Variants in AK8 observed in about 807,000 individuals in gnomAD.
AK8 encodes adenylate kinase 8, also known as ATP-AMP transphosphorylase 8.
AK8 carries 44 observed loss-of-function variants against 54.6 expected under a neutral mutation model. The ratio of observed to expected loss-of-function variants is 0.81; its 90% CI spans 0.63 to 1.04. The LOEUF (loss-of-function observed/expected upper bound fraction) is 1.04, where lower values mean the gene tolerates loss of function less well. AK8 is among the 50% of genes least tolerant of loss of function. The pLI is 0.00. For synonymous variants in AK8, 239 were observed against 245.6 expected (o/e 0.97, Z 0.25); for missense variants, 555 against 613.6 (o/e 0.90, Z 1.01).
intron 11 of AK8, among the ~76,000 whole-genome samples, chr9:132,746,414 G>T (rs1295402272): frequency 6.6e-6 from 1 of 152,202 alleles, no homozygotes; most frequent in Non-Finnish European, 1.5e-5. Context: ...GCAGACACCA[G>T]GAATGCATGG....
At chr9:132,761,168 C>T (rs1838441936) in intron 11 of AK8, among the ~76,000 whole-genome samples, 1 of 151,796 alleles carries the variant, frequency 6.6e-6, no homozygotes. Flanking sequence ...GCATCTGGGC[C>T]TAGTGTTTAA....
chr9:132,806,996 CAGGTA>C (rs1455935142), intron 10 of AK8, among the ~76,000 whole-genome samples: 1 of 152,170 alleles, frequency 6.6e-6, no homozygotes, highest in Non-Finnish European at 1.5e-5. Context: ...GGGAGGGGCA[CAGGTA>C]ACAACTCGAT....
rs113683146 is a variant in AK8, at chr9:132,780,814, G to A, written c.1121+11820C>T. ...GATTAAAACTCCCTGCTACCATTTT[G>A]CTGAATGTCATTGCCACTGACTCAT... is the stretch of plus-strand genomic sequence containing the variant. On this transcript the variant is annotated intron_variant, in intron 11 of 12. Coordinates refer to ENST00000298545, the MANE Select transcript of AK8 (RefSeq NM_152572.3). 2.1e-3 allele frequency among the ~76,000 whole-genome samples: 323 copies of A among 152,262 alleles called. 1 individual carries two copies. Among genetic ancestry groups the A allele is most frequent in the African/African-American group, 6.7e-3 (280 of 41,544 alleles).
At chr9:132,739,297 C>A (rs978108886) in intron 11 of AK8, among the ~76,000 whole-genome samples, 5 of 151,226 alleles carry the variant, frequency 3.3e-5, no homozygotes, top group Non-Finnish European at 7.4e-5. Flanking sequence ...TAAAGATAAG[C>A]CAGGTGTGAT....
At chr9:132,855,505 T>C (rs995305806) in intron 4 of AK8, among the ~76,000 whole-genome samples, 1 of 152,190 alleles carries the variant, frequency 6.6e-6, no homozygotes, top group African/African-American at 2.4e-5. Context: ...AGTGACCTCA[T>C]GTTGGTAACA....
At chr9:132,754,779 A>C (rs1838105458) in intron 11 of AK8, among the ~76,000 whole-genome samples, 1 of 149,766 alleles carries the variant, frequency 6.7e-6, no homozygotes. Flanking sequence ...CCAAAACATT[A>C]CCACTGATTT....
At chr9:132,875,755 A>G (rs1844070411) in intron 1 of AK8, among the ~76,000 whole-genome samples, 1 of 152,144 alleles carries the variant, frequency 6.6e-6, no homozygotes, top group Admixed American at 6.5e-5. Context: ...CCGGCAGGCC[A>G]TGGGTTCTGT....
rs116524653 is a variant in AK8 at position 132,737,181 on chromosome 9, T to C, written c.1122-9647A>G. ...CACACACACAAACACAAGTAGTTAG[T>C]AGACATTACAATGAAGGCAACTGGG... On this transcript the variant is annotated intron_variant, in intron 11 of 12. Transcript: ENST00000298545. Among the ~76,000 whole-genome samples, 704 of 152,198 alleles carry C rather than the reference T, an allele frequency of 4.6e-3. 6 individuals carry two copies. Among genetic ancestry groups the C allele is most frequent in the African/African-American group, 0.016 (671 of 41,524 alleles).
chr9:132,843,975 A>G (rs2131352410), intron 5 of AK8, among the ~76,000 whole-genome samples: 1 of 152,322 alleles, frequency 6.6e-6, no homozygotes, highest in African/African-American at 2.4e-5. Context: ...CAAATAAAGG[A>G]AAGGGATTCT....
At chr9:132,768,002 G>C (rs1482985705) in intron 11 of AK8, among the ~76,000 whole-genome samples, 5 of 152,162 alleles carry the variant, frequency 3.3e-5, no homozygotes, top group Non-Finnish European at 7.4e-5. Context: ...AGAAAATACA[G>C]TTAGATAGAA....
intron 9 of AK8, among the ~76,000 whole-genome samples, chr9:132,816,879 C>T (rs888714668): frequency 2.6e-5 from 4 of 152,110 alleles, no homozygotes; most frequent in South Asian, 2.1e-4. Flanking sequence ...AGCTCTGAGA[C>T]GGCCAGAATT....
chr9:132,793,744 C>T lies in AK8; in HGVS notation c.980-969G>A, dbSNP rs187839610. Among the ~76,000 whole-genome samples the T allele has an allele frequency of 3.9e-5, 6 of 152,332 alleles. No individual in the cohort carries two copies. The East Asian group carries it at 7.7e-4, about 20-fold the overall frequency. ...AATGTCCTATGTTGCTAATGTACTGCGTTCTAGCAATTTGCACTGTGTTTC... is the reference window on the plus strand; with the variant it reads ...AATGTCCTATGTTGCTAATGTACTGTGTTCTAGCAATTTGCACTGTGTTTC... On this transcript the variant is annotated intron_variant, in intron 10 of 12. Coordinates refer to ENST00000298545, the MANE Select transcript of AK8 (RefSeq NM_152572.3).
chr9:132,774,340 A>T (rs1458537618), intron 11 of AK8, among the ~76,000 whole-genome samples: 1 of 152,210 alleles, frequency 6.6e-6, no homozygotes, highest in East Asian at 1.9e-4. Flanking sequence ...TTACAATCTC[A>T]TAAAAAGTAA....
intron 11 of AK8, among the ~76,000 whole-genome samples, chr9:132,778,320 C>A (rs1187763168): frequency 6.6e-6 from 1 of 152,188 alleles, no homozygotes; most frequent in African/African-American, 2.4e-5. Context: ...AGGCCCAGAG[C>A]TGCAGTAATG....
rs574755387 is a variant in AK8, at chr9:132,775,996, T to G, written c.1121+16638A>C. Among the ~76,000 whole-genome samples, 10 of 152,322 alleles carry G rather than the reference T, an allele frequency of 6.6e-5. No homozygotes were observed. The East Asian group carries it at 1.9e-3, about 29-fold the overall frequency. Reference sequence around the variant, plus strand: ...ACAGACAACACACCTAGCAACAGGCTGTCATAAACTAAGTTTTAACCCGAG... The same window carrying G: ...ACAGACAACACACCTAGCAACAGGCGGTCATAAACTAAGTTTTAACCCGAG... On this transcript the variant is annotated intron_variant, in intron 11 of 12. Transcript: ENST00000298545.
Position 132,869,584 on chromosome 9 carries a change from G to A in AK8, c.170-2631C>T, listed in dbSNP as rs529827594. On this transcript the variant is annotated intron_variant, in intron 2 of 12. Coordinates refer to ENST00000298545, the MANE Select transcript of AK8 (RefSeq NM_152572.3). Reference sequence around the variant, plus strand: ...AAGGTGTTTTCAGCTTCTGGGGTGGGAGCCAGGGCGGGCATTCAGCGGCCC... The same window carrying A: ...AAGGTGTTTTCAGCTTCTGGGGTGGAAGCCAGGGCGGGCATTCAGCGGCCC... 4.6e-5 allele frequency among the ~76,000 whole-genome samples: 7 copies of A among 152,386 alleles called. No homozygotes were observed. The East Asian group carries it at 1.2e-3, about 25-fold the overall frequency.
chr9:132,820,630 C>T (rs1841546357), intron 9 of AK8, among the ~76,000 whole-genome samples: 1 of 152,202 alleles, frequency 6.6e-6, no homozygotes, highest in Non-Finnish European at 1.5e-5. Context: ...GTGCTTTAAC[C>T]AACAGTGGCT....
At chr9:132,874,665 A>C (rs1456690681) in intron 2 of AK8, among the ~76,000 whole-genome samples, 2 of 152,196 alleles carry the variant, frequency 1.3e-5, no homozygotes, top group Non-Finnish European at 2.9e-5. Context: ...AAACTCATTA[A>C]CAGGCTCCGA....
intron 11 of AK8, among the ~76,000 whole-genome samples, chr9:132,760,430 TA>T (rs1375088752): frequency 6.6e-6 from 1 of 152,240 alleles, no homozygotes; most frequent in Non-Finnish European, 1.5e-5. Context: ...GATCTTTAAT[TA>T]TTGATCTTTT....
Sources: allele counts gnomAD v4.1 joint callset (sites outside exome capture counted in the v4.1 genomes callset), GRCh38; gene constraint gnomAD v4.1.1; transcripts MANE v1.5; gene names NCBI Gene and HGNC (gene_info 2026-07-23, HGNC 2026-07-21).